PDE7B: variants seen among roughly 807,000 people sequenced by gnomAD.
PDE7B encodes phosphodiesterase 7B.
Under a neutral mutation model 56.2 loss-of-function variants are expected in PDE7B, and 29 were observed. The observed-to-expected ratio is 0.52, with a 90% CI of 0.38 to 0.70. The LOEUF (loss-of-function observed/expected upper bound fraction) is 0.70, where lower values mean the gene tolerates loss of function less well. PDE7B is among the 30% of genes least tolerant of loss of function. The pLI is 0.00. For missense variants in PDE7B, 490 were observed against 565.0 expected (o/e 0.87, Z 1.35); for synonymous variants, 197 against 196.9 (o/e 1.00, Z 0.00).
chr6:136,184,099 C>G (rs1779110136), intron 11 of PDE7B, among the ~76,000 whole-genome samples: 2 of 152,154 alleles, frequency 1.3e-5, no homozygotes, highest in South Asian at 4.1e-4. Context: ...CTCAACAAAA[C>G]TGATTATCCT....
chr6:136,115,746 C>A (rs185485884), intron 3 of PDE7B, among the ~76,000 whole-genome samples: 2 of 152,282 alleles, frequency 1.3e-5, no homozygotes, highest in East Asian at 3.9e-4. Context: ...CTACTCTATG[C>A]CAAGAAGGCC....
At chr6:135,927,762 T>C (rs568482196) in intron 1 of PDE7B, among the ~76,000 whole-genome samples, 18 of 152,184 alleles carry the variant, frequency 1.2e-4, no homozygotes, top group African/African-American at 4.3e-4. Flanking sequence ...CCAAAAGCAA[T>C]GACAACAAAA....
At chr6:136,062,644 A>G (rs1776862518) in intron 2 of PDE7B, among the ~76,000 whole-genome samples, 1 of 152,184 alleles carries the variant, frequency 6.6e-6, no homozygotes, top group African/African-American at 2.4e-5. Flanking sequence ...CAAGTAAACA[A>G]GATGGAAGAA....
chr6:135,993,590 A>G (rs1775510709), intron 2 of PDE7B, among the ~76,000 whole-genome samples: 1 of 152,222 alleles, frequency 6.6e-6, no homozygotes, highest in Admixed American at 6.5e-5. Context: ...GTCTGTTGAC[A>G]GTCCTAACCA....
rs891752830 is a variant in PDE7B at position 136,154,163 on chromosome 6, G to T, written c.567G>T (p.Leu189=). ...TCACCCAGGCCATGCACTGCTACCT[G>T]AAAGAGCCAAAGGTAAGACAAGACC... ...ADVTQAMHCY[L]KEPKLASFLT... The change falls in exon 7 of 13, where the codon CTG becomes CTT. Residue 189 remains leucine, a synonymous_variant. Coordinates refer to ENST00000308191, the MANE Select transcript of PDE7B (RefSeq NM_018945.4). 1.2e-6 allele frequency: 2 copies of T among 1,611,452 alleles called. No individual in the cohort carries two copies. Among genetic ancestry groups the T allele is most frequent in the Non-Finnish European group, 1.7e-6 (2 of 1,177,924 alleles).
intron 1 of PDE7B, among the ~76,000 whole-genome samples, chr6:135,945,632 C>T (rs1264004281): frequency 1.3e-5 from 2 of 152,086 alleles, no homozygotes; most frequent in African/African-American, 4.8e-5. Context: ...GGAATTTTTT[C>T]CCCTTAAATT....
At chr6:136,104,612 T>G (rs1185914242) in intron 2 of PDE7B, among the ~76,000 whole-genome samples, 2 of 152,208 alleles carry the variant, frequency 1.3e-5, no homozygotes, top group Non-Finnish European at 2.9e-5. Flanking sequence ...CTTTCTATAT[T>G]AGAAATATAC....
intron 1 of PDE7B, among the ~76,000 whole-genome samples, chr6:135,872,800 T>C (rs1775410529): frequency 6.6e-6 from 1 of 152,084 alleles, no homozygotes; most frequent in Admixed American, 6.5e-5. Flanking sequence ...AGTTAATATA[T>C]AATAAAATGC....
intron 2 of PDE7B, among the ~76,000 whole-genome samples, chr6:136,020,241 G>A (rs1180285133): frequency 6.6e-6 from 1 of 152,056 alleles, no homozygotes; most frequent in Non-Finnish European, 1.5e-5. Context: ...CGTGGACGAG[G>A]GAGACAATCA....
intron 2 of PDE7B, among the ~76,000 whole-genome samples, chr6:135,986,938 T>G (rs568442129): frequency 6.6e-6 from 1 of 152,144 alleles, no homozygotes; most frequent in African/African-American, 2.4e-5. Context: ...AAGACCTGAT[T>G]GTTGTTTGTA....
chr6:136,172,030 T>A (rs1199165217), intron 8 of PDE7B, among the ~76,000 whole-genome samples: 4 of 152,014 alleles, frequency 2.6e-5, no homozygotes, highest in Non-Finnish European at 5.9e-5. Flanking sequence ...CTTAATCCAG[T>A]CTATCATTGT....
rs1203456193 is a variant in PDE7B at position 136,134,759 on chromosome 6, T to C, written c.167-12592T>C. Among the ~76,000 whole-genome samples, 9 of 119,754 alleles carry C rather than the reference T, an allele frequency of 7.5e-5. No individual in the cohort carries two copies. The East Asian group carries it at 2.2e-3, about 29-fold the overall frequency. The allele number at this position is 119,754 out of a possible 152,430, so 78.6% of individuals were successfully genotyped here. A position where few individuals can be genotyped will look rare whatever the true frequency, so the allele number is the denominator to read the frequency against. Reference sequence around the variant, plus strand: ...CAAAAAAAAAAAAAAAAAAAAAAATTGACTAAAACCAGCAGATTTTGCCAA... The same window carrying C: ...CAAAAAAAAAAAAAAAAAAAAAAATCGACTAAAACCAGCAGATTTTGCCAA... On this transcript the variant is annotated intron_variant, in intron 3 of 12. Transcript: ENST00000308191.
chr6:135,920,338 A>G (rs1774049446), intron 1 of PDE7B, among the ~76,000 whole-genome samples: 1 of 152,200 alleles, frequency 6.6e-6, no homozygotes, highest in Admixed American at 6.5e-5. Context: ...ATAGCATGTC[A>G]AGTCCTCCCC....
Position 135,931,907 on chromosome 6 carries a change from A to G in PDE7B, c.22-15557A>G, listed in dbSNP as rs952092356. Among the ~76,000 whole-genome samples the G allele has an allele frequency of 3.3e-5, 5 of 151,536 alleles. No individual in the cohort carries two copies. The South Asian group carries it at 6.3e-4, about 19-fold the overall frequency. ...CAATGAGGTGGCGGGAGTGGGGAGC[A>G]AGATTTTTAAAACTTTTTTGTTACC... is the stretch of plus-strand genomic sequence containing the variant. On this transcript the variant is annotated intron_variant, in intron 1 of 12. Transcript: ENST00000308191.
At chr6:136,138,681 A>G (rs970599048) in intron 3 of PDE7B, among the ~76,000 whole-genome samples, 4 of 152,164 alleles carry the variant, frequency 2.6e-5, no homozygotes, top group African/African-American at 7.2e-5. Context: ...ATTAAAGGAT[A>G]ACCCAGATAG....
chr6:135,998,306 A>G (rs1775602041), intron 2 of PDE7B, among the ~76,000 whole-genome samples: 1 of 152,160 alleles, frequency 6.6e-6, no homozygotes, highest in South Asian at 2.1e-4. Context: ...TGTGTAGACT[A>G]TGGTATAACA....
chr6:136,187,062 G>C lies in PDE7B; in HGVS notation c.1072G>C (p.Glu358Gln), dbSNP rs1458708367. Residue 358 changes from glutamate (E) to glutamine (Q), a missense_variant, in exon 12 of 13, where the codon GAA (glutamate) becomes CAA (glutamine). By Grantham distance (29) the Glu-to-Gln change is conservative. Coordinates refer to ENST00000308191, the MANE Select transcript of PDE7B (RefSeq NM_018945.4). ...QGELEQKFEL[E>Q]ISPLCNQQKD... is the part of the protein sequence containing the mutation. The stretch of plus-strand genomic sequence containing the variant: ...TGAACTTGAACAGAAATTTGAACTG[G>C]AAATCAGTCCTCTTTGTAATCAACA... The C allele has an allele frequency of 6.3e-7, 1 of 1,587,724 alleles. No homozygotes were observed. Among genetic ancestry groups the C allele is most frequent in the Non-Finnish European group, 8.6e-7 (1 of 1,157,920 alleles).
chr6:136,038,631 C>A, intron 2 of PDE7B: 1 of 894,318 alleles, frequency 1.1e-6, no homozygotes, highest in Non-Finnish European at 1.5e-6. Context: ...AACTGTGTAG[C>A]ATCAGGTCTG....
chr6:136,132,089 A>G (rs1778128483), intron 3 of PDE7B, among the ~76,000 whole-genome samples: 1 of 152,202 alleles, frequency 6.6e-6, no homozygotes, highest in Admixed American at 6.5e-5. Flanking sequence ...TTTTAAGTAT[A>G]TAGTACAGTC....
Sources: gnomAD v4.1 joint callset for allele counts (sites outside exome capture counted in the v4.1 genomes callset) on GRCh38, gnomAD v4.1.1 for gene constraint, MANE v1.5 for transcripts, NCBI Gene and HGNC (gene_info 2026-07-23, HGNC 2026-07-21) for gene names.